MAPRE3: variants seen among roughly 807,000 people sequenced by gnomAD.
MAPRE3 encodes the protein microtubule-associated protein RP/EB family member 3.
In MAPRE3, 2 loss-of-function variants were observed where a neutral mutation model predicts 30.5. That is an observed-to-expected ratio of 0.07 (90% CI 0.03 to 0.21). MAPRE3 has a LOEUF of 0.21. Among genes scored for constraint, MAPRE3 ranks in the 10% least tolerant of loss-of-function variants. The probability of loss-of-function intolerance (pLI) is 1.00; values close to 1 mark genes in which losing one functional copy is unlikely to be tolerated. For synonymous variants in MAPRE3, 110 were observed against 127.7 expected (o/e 0.86, Z 0.93); for missense variants, 204 against 351.8 (o/e 0.58, Z 3.36).
intron 1 of MAPRE3, chr2:26,995,369 T>TA (rs1344381579): frequency 1.3e-5 from 2 of 152,134 alleles, no homozygotes; most frequent in Non-Finnish European, 1.5e-5. Context: ...CACTCTCCCC[T>TA]AAAAGAACTC....
intron 1 of MAPRE3, among the ~76,000 whole-genome samples, chr2:27,019,345 G>A (rs1252017868): frequency 6.6e-6 from 1 of 150,466 alleles, no homozygotes; most frequent in African/African-American, 2.4e-5. Flanking sequence ...GCTGGGGGAG[G>A]GAGGATGGCG....
chr2:27,020,420 C>G (rs548407903), intron 1 of MAPRE3, among the ~76,000 whole-genome samples: 2 of 152,334 alleles, frequency 1.3e-5, no homozygotes, highest in South Asian at 4.1e-4. Flanking sequence ...TCTCGGAAAA[C>G]ACAGTCCTTT....
chr2:27,020,498 C>T (rs983821234), intron 1 of MAPRE3, among the ~76,000 whole-genome samples: 2 of 152,126 alleles, frequency 1.3e-5, no homozygotes, highest in South Asian at 2.1e-4. Flanking sequence ...TTCTTAACAG[C>T]GCAAGTCAGT....
At chr2:27,003,685 A>C (rs1666656227) in intron 1 of MAPRE3, among the ~76,000 whole-genome samples, 1 of 152,168 alleles carries the variant, frequency 6.6e-6, no homozygotes, top group South Asian at 2.1e-4. Flanking sequence ...TTCTACCCAG[A>C]TCCCTCACTT....
intron 1 of MAPRE3, among the ~76,000 whole-genome samples, chr2:27,019,721 C>T (rs1002543215): frequency 2.0e-5 from 3 of 152,102 alleles, no homozygotes; most frequent in Admixed American, 6.5e-5. Context: ...TTTTTGGCCC[C>T]GCCTGGCCTC....
intron 1 of MAPRE3, among the ~76,000 whole-genome samples, chr2:26,999,152 G>T (rs1666529807): frequency 1.3e-5 from 2 of 152,178 alleles, no homozygotes; most frequent in South Asian, 4.1e-4. Flanking sequence ...TGGGGAAGAA[G>T]GAAGTGGAAT....
Position 26,987,375 on chromosome 2 carries a change from G to A in MAPRE3, c.-8+16573G>A, listed in dbSNP as rs187023423. Among the ~76,000 whole-genome samples, 9 of 152,262 alleles carry A rather than the reference G, an allele frequency of 5.9e-5. No homozygotes were observed. In the East Asian group the frequency reaches 1.5e-3, roughly 26 times the overall value. ...AGTCTGGCTGGGCGCGGTGGCTCAC[G>A]CTTTTAATCCCAGCACTTTGGGAGG... On this transcript the variant is annotated intron_variant, in intron 1 of 6. Coordinates refer to ENST00000233121, the MANE Select transcript of MAPRE3 (RefSeq NM_012326.4).
chr2:26,982,034 A>C (rs1666124088), intron 1 of MAPRE3, among the ~76,000 whole-genome samples: 1 of 152,068 alleles, frequency 6.6e-6, no homozygotes, highest in Non-Finnish European at 1.5e-5. Context: ...TCATTTTGTG[A>C]GGGTTCCAGC....
At chr2:27,021,227 C>T (rs2148227371) in intron 1 of MAPRE3, among the ~76,000 whole-genome samples, 1 of 152,180 alleles carries the variant, frequency 6.6e-6, no homozygotes, top group African/African-American at 2.4e-5. Context: ...GAACAAATTC[C>T]CTCATGAATA....
At chr2:26,975,749 A>G (rs908083542) in intron 1 of MAPRE3, among the ~76,000 whole-genome samples, 2 of 152,008 alleles carry the variant, frequency 1.3e-5, no homozygotes, top group Admixed American at 6.5e-5. Flanking sequence ...CAGTAAATAC[A>G]TTTTGGTACA....
chr2:27,001,184 G>T (rs895169024), intron 1 of MAPRE3, among the ~76,000 whole-genome samples: 4 of 152,070 alleles, frequency 2.6e-5, no homozygotes, highest in African/African-American at 9.7e-5. Flanking sequence ...TTTTGCCATT[G>T]TGCAAACATC....
intron 1 of MAPRE3, among the ~76,000 whole-genome samples, chr2:27,018,645 C>A (rs1007350710): frequency 6.6e-6 from 1 of 152,134 alleles, no homozygotes; most frequent in Admixed American, 6.5e-5. Context: ...GATGCCCTTT[C>A]CTTGACCCTA....
chr2:26,974,805 A>C (rs906116934), intron 1 of MAPRE3, among the ~76,000 whole-genome samples: 2 of 152,234 alleles, frequency 1.3e-5, no homozygotes, highest in African/African-American at 4.8e-5. Flanking sequence ...ATTAAATGAA[A>C]GGGAGTATGT....
intron 1 of MAPRE3, among the ~76,000 whole-genome samples, chr2:27,003,595 G>T (rs1666653761): frequency 6.6e-6 from 1 of 152,168 alleles, no homozygotes; most frequent in African/African-American, 2.4e-5. Context: ...TACAATTTAT[G>T]AAGCATCTGT....
chr2:26,971,062 T>G (rs1665907607), intron 1 of MAPRE3, among the ~76,000 whole-genome samples: 1 of 146,270 alleles, frequency 6.8e-6, no homozygotes, highest in Admixed American at 6.8e-5. Flanking sequence ...CGGGTCCACC[T>G]TGAGGCTCCT....
At chr2:27,006,904 G>A (rs762099526) in intron 1 of MAPRE3, among the ~76,000 whole-genome samples, 3 of 152,180 alleles carry the variant, frequency 2.0e-5, no homozygotes, top group Admixed American at 6.5e-5. Flanking sequence ...TTCCAAAAGG[G>A]GGAAACTGTG....
At chr2:27,012,701 T>C (rs1666888647) in intron 1 of MAPRE3, 1 of 152,658 alleles carries the variant, frequency 6.6e-6, no homozygotes, top group South Asian at 2.1e-4. Flanking sequence ...GGAAAGGCAG[T>C]CTACTGGAGA....
At chr2:26,975,476 G>C (rs920673322) in intron 1 of MAPRE3, among the ~76,000 whole-genome samples, 1 of 152,176 alleles carries the variant, frequency 6.6e-6, no homozygotes, top group African/African-American at 2.4e-5. Context: ...AGGGCAAGCT[G>C]TTCAGGTGCA....
intron 1 of MAPRE3, among the ~76,000 whole-genome samples, chr2:27,016,773 T>C (rs1666998619): frequency 6.6e-6 from 1 of 152,190 alleles, no homozygotes; most frequent in African/African-American, 2.4e-5. Context: ...CCCCAGCAGC[T>C]GGTCTGGTGT....
Sources: allele counts gnomAD v4.1 joint callset (sites outside exome capture counted in the v4.1 genomes callset), GRCh38; gene constraint gnomAD v4.1.1; transcripts MANE v1.5; gene names NCBI Gene and HGNC (gene_info 2026-07-23, HGNC 2026-07-21).